The following RCOR1 variants were observed in gnomAD, a reference collection of about 807,000 sequenced individuals.
The protein encoded by RCOR1 is REST corepressor 1.
RCOR1 carries 12 observed loss-of-function variants against 64.0 expected under a neutral mutation model. That is an observed-to-expected ratio of 0.19 (90% CI 0.12 to 0.30). The LOEUF is 0.30. RCOR1 is among the 10% of genes least tolerant of loss of function. The probability of loss-of-function intolerance (pLI) is 1.00; values close to 1 mark genes in which losing one functional copy is unlikely to be tolerated. For missense variants in RCOR1, 502 were observed against 621.2 expected, an observed-to-expected ratio of 0.81 and a Z score of 2.04; for synonymous variants, 279 against 227.2, an observed-to-expected ratio of 1.23 and a Z score of -2.05.
intron 2 of RCOR1, among the ~76,000 whole-genome samples, chr14:102,594,790 T>C (rs1317787867): frequency 1.3e-5 from 2 of 152,178 alleles, no homozygotes; most frequent in African/African-American, 2.4e-5. Flanking sequence ...CATACTGTTT[T>C]TTGGTTACAG....
chr14:102,646,437 T>G (rs1007522546), intron 2 of RCOR1, among the ~76,000 whole-genome samples: 2 of 152,014 alleles, frequency 1.3e-5, no homozygotes, highest in Non-Finnish European at 2.9e-5. Flanking sequence ...CAAAAAAGCT[T>G]GAAGAGCTAA....
At chr14:102,636,557 C>G (rs773066426) in intron 2 of RCOR1, among the ~76,000 whole-genome samples, 5 of 151,720 alleles carry the variant, frequency 3.3e-5, no homozygotes, top group Non-Finnish European at 7.4e-5. Flanking sequence ...GCTGAGAATA[C>G]AGGTGTGAGC....
At chr14:102,647,462 G>C (rs1396197551) in intron 2 of RCOR1, among the ~76,000 whole-genome samples, 1 of 151,926 alleles carries the variant, frequency 6.6e-6, no homozygotes, top group African/African-American at 2.4e-5. Flanking sequence ...GGTTACAGGT[G>C]TGGACCACCA....
chr14:102,693,817 T>C (rs1402337479), intron 3 of RCOR1, among the ~76,000 whole-genome samples: 2 of 152,214 alleles, frequency 1.3e-5, no homozygotes, highest in Non-Finnish European at 2.9e-5. Context: ...GCTTCCTGTT[T>C]CGTCTTTTAT....
At chr14:102,710,796 C>T in intron 6 of RCOR1, 139 bp from the exon 7 acceptor site, 2 of 648,814 alleles carry the variant, frequency 3.1e-6, no homozygotes, top group Non-Finnish European at 5.4e-6. Context: ...AGCCTGAAAA[C>T]ATACTAATTT....
chr14:102,598,864 T>C (rs921228426), intron 2 of RCOR1, among the ~76,000 whole-genome samples: 1 of 151,988 alleles, frequency 6.6e-6, no homozygotes, highest in Non-Finnish European at 1.5e-5. Context: ...TACCAACTTT[T>C]AAAGAGTTAA....
At chr14:102,718,884 G>A (rs1896120886) in intron 8 of RCOR1, among the ~76,000 whole-genome samples, 1 of 152,034 alleles carries the variant, frequency 6.6e-6, no homozygotes. Flanking sequence ...CAAAGGCCTG[G>A]GCTCAAGCAG....
At chr14:102,681,527 A>G (rs1474246537) in intron 2 of RCOR1, among the ~76,000 whole-genome samples, 1 of 152,226 alleles carries the variant, frequency 6.6e-6, no homozygotes, top group Non-Finnish European at 1.5e-5. Context: ...TGGGATTTCT[A>G]TTGCCAAGTC....
intron 3 of RCOR1, among the ~76,000 whole-genome samples, chr14:102,686,793 T>G (rs983275398): frequency 2.6e-5 from 4 of 152,252 alleles, no homozygotes; most frequent in African/African-American, 4.8e-5. Context: ...TATACCGTTG[T>G]CTAGCTATGC....
intron 2 of RCOR1, among the ~76,000 whole-genome samples, chr14:102,605,207 C>CAGTTACA (rs1176188927): frequency 6.6e-6 from 1 of 152,082 alleles, no homozygotes; most frequent in Non-Finnish European, 1.5e-5. Context: ...ACTTGTAGTC[C>CAGTTACA]AGTTACATTC....
At chr14:102,610,010 G>A (rs182836656) in intron 2 of RCOR1, among the ~76,000 whole-genome samples, 16 of 152,026 alleles carry the variant, frequency 1.1e-4, no homozygotes, top group Admixed American at 4.6e-4. Flanking sequence ...GCTGGGAGTA[G>A]TTCCAGCTAC....
intron 2 of RCOR1, among the ~76,000 whole-genome samples, chr14:102,608,151 TC>T (rs1375664224): frequency 6.6e-6 from 1 of 152,164 alleles, no homozygotes; most frequent in African/African-American, 2.4e-5. Flanking sequence ...CTTGTCTAGT[TC>T]CGAAACATTT....
At chr14:102,676,036 T>G (rs1044868955) in intron 2 of RCOR1, among the ~76,000 whole-genome samples, 4 of 150,296 alleles carry the variant, frequency 2.7e-5, no homozygotes, top group South Asian at 4.2e-4. Flanking sequence ...TCACAGTTTT[T>G]TTTTTTTTTT....
At chr14:102,677,997 G>A (rs1895225045) in intron 2 of RCOR1, among the ~76,000 whole-genome samples, 1 of 151,264 alleles carries the variant, frequency 6.6e-6, no homozygotes, top group African/African-American at 2.4e-5. Flanking sequence ...TTAGGAGCTG[G>A]AGACCAGCCC....
intron 3 of RCOR1, among the ~76,000 whole-genome samples, chr14:102,694,598 A>G (rs1895607588): frequency 6.6e-6 from 1 of 152,110 alleles, no homozygotes; most frequent in Admixed American, 6.5e-5. Context: ...TTTATAAAGA[A>G]CGTACATTTT....
At chr14:102,613,964 A>G (rs1259415537) in intron 2 of RCOR1, among the ~76,000 whole-genome samples, 1 of 127,276 alleles carries the variant, frequency 7.9e-6, no homozygotes, top group Non-Finnish European at 1.5e-5. Context: ...GCAATGATCT[A>G]GGCTCACTGC....
intron 3 of RCOR1, among the ~76,000 whole-genome samples, chr14:102,683,805 C>A (rs1895354864): frequency 6.6e-6 from 1 of 152,272 alleles, no homozygotes; most frequent in Non-Finnish European, 1.5e-5. Context: ...GCCCTTCCCA[C>A]AGCTGGAAGC....
chr14:102,722,141 A>T (rs1163279422), intron 10 of RCOR1, 46 bp from the exon 11 acceptor site: 1 of 1,482,358 alleles, frequency 6.7e-7, no homozygotes, highest in East Asian at 2.3e-5. Context: ...GTTTTAAAAA[A>T]ATGTTTTTCT....
At chr14:102,631,066 G>A (rs553176804) in intron 2 of RCOR1, among the ~76,000 whole-genome samples, 2 of 152,208 alleles carry the variant, frequency 1.3e-5, no homozygotes, top group South Asian at 4.1e-4. Context: ...TCTTTTTGAA[G>A]TGTAGGCCCA....
Sources: gnomAD v4.1 joint callset for allele counts (sites outside exome capture counted in the v4.1 genomes callset) on GRCh38, gnomAD v4.1.1 for gene constraint, MANE v1.5 for transcripts, NCBI Gene and HGNC (gene_info 2026-07-23, HGNC 2026-07-21) for gene names.